TDRD7: variants seen among roughly 807,000 people sequenced by gnomAD.
TDRD7 encodes tudor domain-containing protein 7.
In TDRD7, 47 loss-of-function variants were observed where a neutral mutation model predicts 109.8. The ratio of observed to expected loss-of-function variants is 0.43; its 90% CI spans 0.34 to 0.55. TDRD7 has a LOEUF of 0.55. Ranked by LOEUF, TDRD7 falls within the 20% of genes least tolerant of loss-of-function variation. TDRD7 has a pLI of 0.03. For missense variants in TDRD7, 1,164 were observed against 1,319.2 expected (o/e 0.88, Z 1.82); for synonymous variants, 424 against 457.3 (o/e 0.93, Z 0.93).
intron 6 of TDRD7, among the ~76,000 whole-genome samples, chr9:97,445,295 C>G: frequency 7.1e-6 from 1 of 141,306 alleles, no homozygotes; most frequent in East Asian, 2.1e-4. Flanking sequence ...TTTGACTTGA[C>G]TGGTATTTAT....
intron 1 of TDRD7, among the ~76,000 whole-genome samples, chr9:97,415,254 G>T (rs866488972): frequency 6.6e-6 from 1 of 152,208 alleles, no homozygotes. Context: ...AGTTGAGCAA[G>T]AAGAAACTTA....
intron 1 of TDRD7, among the ~76,000 whole-genome samples, chr9:97,422,132 C>T (rs1465682841): frequency 6.6e-6 from 1 of 152,198 alleles, no homozygotes; most frequent in Non-Finnish European, 1.5e-5. Context: ...GTGGCTCACA[C>T]CTGTAATCCC....
At chr9:97,441,529 T>C in intron 5 of TDRD7, 129 bp from the exon 6 acceptor site, 1 of 772,942 alleles carries the variant, frequency 1.3e-6, no homozygotes, top group South Asian at 1.7e-5. Flanking sequence ...CTAATCCTGC[T>C]CCCTTCTAAG....
intron 5 of TDRD7, among the ~76,000 whole-genome samples, chr9:97,441,027 A>G (rs1309412013): frequency 6.6e-6 from 1 of 152,230 alleles, no homozygotes; most frequent in Admixed American, 6.5e-5. Flanking sequence ...TATTGGGGAA[A>G]TAAAAGTTAT....
intron 4 of TDRD7, among the ~76,000 whole-genome samples, chr9:97,436,512 T>C (rs1293739863): frequency 6.6e-6 from 1 of 152,126 alleles, no homozygotes; most frequent in Admixed American, 6.5e-5. Flanking sequence ...ATCTTGACAG[T>C]ATTCCCTCAG....
At chr9:97,423,672 A>G (rs960487547) in intron 1 of TDRD7, among the ~76,000 whole-genome samples, 3 of 152,020 alleles carry the variant, frequency 2.0e-5, no homozygotes, top group Middle Eastern at 3.2e-3. Context: ...ATTTTCCTCT[A>G]ATACTTTTAC....
intron 1 of TDRD7, among the ~76,000 whole-genome samples, chr9:97,422,615 G>C (rs1305244122): frequency 6.6e-6 from 1 of 152,186 alleles, no homozygotes; most frequent in Non-Finnish European, 1.5e-5. Flanking sequence ...CCCAGTCTTA[G>C]GGAGACAGCA....
Position 97,475,394 on chromosome 9 carries a change from T to G in TDRD7, c.2091T>G (p.Ser697=), listed in dbSNP as rs776701594. 23 of 1,613,266 alleles carry G rather than the reference T, an allele frequency of 1.4e-5. No homozygotes were observed. In the South Asian group the frequency reaches 2.5e-4, roughly 18 times the overall value. ...TTTCTGTTTTGCAGCACATGACCTC[T>G]GAGTGCTTTGTTTCATTACCCTTCT... ...EDYFHCKHMT[S]ECFVSLPFCG... is the part of the protein sequence containing the mutation. The change falls in exon 12 of 17, where the codon TCT becomes TCG. Residue 697 remains serine, a synonymous_variant. Coordinates refer to ENST00000355295, the MANE Select transcript of TDRD7 (RefSeq NM_014290.3).
At chr9:97,442,552 C>T (rs1828325851) in intron 6 of TDRD7, among the ~76,000 whole-genome samples, 1 of 152,164 alleles carries the variant, frequency 6.6e-6, no homozygotes, top group South Asian at 2.1e-4. Context: ...ACCAAAGTAA[C>T]TAACTTTTAG....
Position 97,437,563 on chromosome 9 carries a change from T to G in TDRD7, c.564-1682T>G, listed in dbSNP as rs183423931. On this transcript the variant is annotated intron_variant, in intron 4 of 16. Coordinates refer to ENST00000355295, the MANE Select transcript of TDRD7 (RefSeq NM_014290.3). ...AAGCAGGTTACTCAAGGGGAAGGGA[T>G]TACACAAGGCTGTGAATACCTGGAG... is the stretch of plus-strand genomic sequence containing the variant. Among the ~76,000 whole-genome samples the G allele has an allele frequency of 8.8e-4, 134 of 152,306 alleles. 1 individual carries two copies. Among genetic ancestry groups the G allele is most frequent in the Non-Finnish European group, 4.9e-4 (33 of 68,022 alleles).
At chr9:97,480,666 A>T in intron 13 of TDRD7, 162 bp from the exon 14 acceptor site, 1 of 688,556 alleles carries the variant, frequency 1.5e-6, no homozygotes. Context: ...AGTTAGGAAC[A>T]TAGCAGATGC....
chr9:97,449,621 C>T (rs775928572), intron 6 of TDRD7, among the ~76,000 whole-genome samples: 1 of 152,174 alleles, frequency 6.6e-6, no homozygotes, highest in Non-Finnish European at 1.5e-5. Context: ...GCCCTCCAAA[C>T]CTGTCATCTT....
chr9:97,470,449 T>G (rs754567034), intron 8 of TDRD7, 109 bp from the exon 9 acceptor site: 244 of 1,027,928 alleles, frequency 2.4e-4, no homozygotes, highest in Non-Finnish European at 3.4e-4. Context: ...GGTGCCACTC[T>G]GCCACTCAGC....
rs377017007 is a variant in TDRD7, at chr9:97,454,968, A to G, written c.856-5210A>G. On this transcript the variant is annotated intron_variant, in intron 6 of 16. Transcript: ENST00000355295. ...AAGAAGAGAGAGAAGAATCAGATAG[A>G]CACAATAAAAAACGATAAAGGGGAT... is the stretch of plus-strand genomic sequence containing the variant. 2.6e-5 allele frequency among the ~76,000 whole-genome samples: 4 copies of G among 152,184 alleles called. No homozygotes were observed. The South Asian group carries it at 8.3e-4, about 31-fold the overall frequency.
intron 1 of TDRD7, among the ~76,000 whole-genome samples, chr9:97,414,835 T>G (rs74781027): frequency 0.019 from 2,933 of 152,308 alleles, 49 homozygotes; most frequent in Non-Finnish European, 0.033. Flanking sequence ...AAAGAGCATT[T>G]AAAAGTGTCG....
intron 1 of TDRD7, among the ~76,000 whole-genome samples, chr9:97,415,638 G>C (rs996955165): frequency 1.4e-4 from 22 of 152,020 alleles, no homozygotes; most frequent in African/African-American, 5.1e-4. Flanking sequence ...TATAAGCGAA[G>C]AAAAAAAGGA....
In TDRD7 at chr9:97,475,762, T is replaced by C. The variant is rs4073032; in HGVS notation, c.2166+293T>C. On this transcript the variant is annotated intron_variant, in intron 12 of 16. Coordinates refer to ENST00000355295, the MANE Select transcript of TDRD7 (RefSeq NM_014290.3). ...ACACACTTTTACTATATATTTTTAA[T>C]ATTTAAATAGTGGAAATATATTAAT... 8.3e-3 allele frequency among the ~76,000 whole-genome samples: 1,260 copies of C among 152,280 alleles called. 44 individuals are homozygous for C. The East Asian group carries it at 0.11, about 13-fold the overall frequency.
chr9:97,422,972 G>A (rs1587857855), intron 1 of TDRD7, among the ~76,000 whole-genome samples: 2 of 152,142 alleles, frequency 1.3e-5, no homozygotes, highest in East Asian at 3.8e-4. Flanking sequence ...ATGTTCATGA[G>A]GGATATGGTC....
intron 7 of TDRD7, among the ~76,000 whole-genome samples, chr9:97,462,412 G>A (rs1828740931): frequency 6.6e-6 from 1 of 152,190 alleles, no homozygotes; most frequent in Non-Finnish European, 1.5e-5. Flanking sequence ...AGCAAGATGG[G>A]TAATGTCTGC....
Sources: gnomAD v4.1 joint callset for allele counts (sites outside exome capture counted in the v4.1 genomes callset) on GRCh38, gnomAD v4.1.1 for gene constraint, MANE v1.5 for transcripts, NCBI Gene and HGNC (gene_info 2026-07-23, HGNC 2026-07-21) for gene names.